Variants in PARD3 observed in about 807,000 individuals in gnomAD.
PARD3 encodes partitioning defective 3 homolog.
Under a neutral mutation model 155.4 loss-of-function variants are expected in PARD3, and 75 were observed. The observed-to-expected ratio is 0.48, with a 90% CI of 0.40 to 0.58. The LOEUF (loss-of-function observed/expected upper bound fraction) is 0.58. PARD3 is among the 20% of genes least tolerant of loss of function. The pLI is 0.00. For synonymous variants in PARD3, 576 were observed against 610.5 expected (o/e 0.94, Z 0.83); for missense variants, 1,642 against 1,721.7 (o/e 0.95, Z 0.82).
At chr10:34,511,926 T>C (rs1408476116) in intron 3 of PARD3, among the ~76,000 whole-genome samples, 1 of 152,202 alleles carries the variant, frequency 6.6e-6, no homozygotes, top group Non-Finnish European at 1.5e-5. Flanking sequence ...AGGTCCTTTA[T>C]AAATTACCAG....
intron 2 of PARD3, among the ~76,000 whole-genome samples, chr10:34,692,232 CA>C (rs112974802): frequency 0.88 from 116,374 of 132,686 alleles, 51,604 homozygotes; most frequent in East Asian, 0.98. Context: ...GACTTCATTT[CA>C]AAAAAAAAAA....
Position 34,232,114 on chromosome 10 carries a change from G to A in PARD3, c.3419+37543C>T, listed in dbSNP as rs142464391. ...CTTTCCCAATCCTGGTTTGAGAGCA[G>A]AGTCAGAGGTTAATGCTGCTGAGAT... On this transcript the variant is annotated intron_variant, in intron 22 of 24. Coordinates refer to ENST00000374788, the MANE Select transcript of PARD3 (RefSeq NM_001184785.2). Among the ~76,000 whole-genome samples, 8 of 152,238 alleles carry A rather than the reference G, an allele frequency of 5.3e-5. 1 individual carries two copies. Among genetic ancestry groups the A allele is most frequent in the African/African-American group, 1.7e-4 (7 of 41,494 alleles).
At chr10:34,140,360 C>T (rs1210674045) in intron 22 of PARD3, among the ~76,000 whole-genome samples, 6 of 152,184 alleles carry the variant, frequency 3.9e-5, no homozygotes, top group Non-Finnish European at 8.8e-5. Flanking sequence ...GATGTCACCC[C>T]CTGTGAAAGC....
At chr10:34,800,348 C>A (rs1842734954) in intron 1 of PARD3, among the ~76,000 whole-genome samples, 1 of 151,950 alleles carries the variant, frequency 6.6e-6, no homozygotes, top group East Asian at 1.9e-4. Context: ...GTGGCTCAGG[C>A]CTGTAAATCC....
At chr10:34,347,150 G>T (rs1837514915) in intron 15 of PARD3, among the ~76,000 whole-genome samples, 1 of 152,220 alleles carries the variant, frequency 6.6e-6, no homozygotes, top group Admixed American at 6.5e-5. Context: ...TGAGAGCCTT[G>T]CAAAATATAC....
chr10:34,467,513 T>G (rs919600606), intron 4 of PARD3, among the ~76,000 whole-genome samples: 9 of 152,030 alleles, frequency 5.9e-5, no homozygotes, highest in Non-Finnish European at 8.8e-5. Context: ...TTTGGGACGC[T>G]GAGATGGGAG....
intron 2 of PARD3, among the ~76,000 whole-genome samples, chr10:34,609,595 T>C (rs896792070): frequency 1.8e-4 from 27 of 152,174 alleles, no homozygotes; most frequent in Non-Finnish European, 5.9e-5. Flanking sequence ...CAGACTGGAG[T>C]GCAGGGGCAC....
chr10:34,516,865 A>G, intron 3 of PARD3, 114 bp downstream of exon 3: 1 of 1,060,430 alleles, frequency 9.4e-7, no homozygotes, highest in Non-Finnish European at 1.4e-6. Flanking sequence ...CCTAAACTTA[A>G]TTTTTGAATA....
intron 20 of PARD3, among the ~76,000 whole-genome samples, chr10:34,301,727 T>A (rs1281248774): frequency 6.6e-6 from 1 of 152,052 alleles, no homozygotes; most frequent in Non-Finnish European, 1.5e-5. Flanking sequence ...AATAGGATCC[T>A]CTTCCAGTAT....
chr10:34,483,482 C>CAAAA (rs35352038), intron 3 of PARD3, among the ~76,000 whole-genome samples: 2 of 50,420 alleles, frequency 4.0e-5, no homozygotes, highest in African/African-American at 1.3e-4. Context: ...ACTCTGTCAC[C>CAAAA]AAAAAAAAAA....
intron 2 of PARD3, among the ~76,000 whole-genome samples, chr10:34,537,129 A>G (rs906956357): frequency 1.3e-5 from 2 of 152,168 alleles, no homozygotes; most frequent in Non-Finnish European, 2.9e-5. Context: ...CAGCCTCCAG[A>G]GTAGCTTTGA....
intron 24 of PARD3, among the ~76,000 whole-genome samples, chr10:34,118,464 C>A (rs1946803295): frequency 6.6e-6 from 1 of 152,228 alleles, no homozygotes; most frequent in African/African-American, 2.4e-5. Context: ...CCCATCTCAG[C>A]CTCCCATGGA....
intron 19 of PARD3, among the ~76,000 whole-genome samples, chr10:34,327,781 G>A (rs1330662200): frequency 1.3e-5 from 2 of 152,142 alleles, no homozygotes; most frequent in Non-Finnish European, 2.9e-5. Context: ...CAGGTTCAAG[G>A]GGGATGTGGC....
intron 20 of PARD3, chr10:34,312,149 T>G (rs1332140049): frequency 1.1e-6 from 1 of 885,510 alleles, no homozygotes; most frequent in East Asian, 2.7e-5. Context: ...AAGCGTAATT[T>G]AAACCCCAAG....
At chr10:34,185,982 G>C (rs1260882307) in intron 22 of PARD3, among the ~76,000 whole-genome samples, 2 of 151,980 alleles carry the variant, frequency 1.3e-5, no homozygotes, top group Non-Finnish European at 2.9e-5. Context: ...CTTACAGAGA[G>C]GAAACCTTTG....
intron 24 of PARD3, among the ~76,000 whole-genome samples, chr10:34,117,338 A>C (rs1328163658): frequency 6.6e-6 from 1 of 152,100 alleles, no homozygotes; most frequent in Admixed American, 6.6e-5. Context: ...GCCCTGGCCC[A>C]CCCGTGTGGT....
At chr10:34,526,915 C>T (rs939236179) in intron 2 of PARD3, among the ~76,000 whole-genome samples, 2 of 152,174 alleles carry the variant, frequency 1.3e-5, no homozygotes, top group African/African-American at 2.4e-5. Flanking sequence ...GCTTCCTTAA[C>T]GCATCACTCA....
intron 22 of PARD3, among the ~76,000 whole-genome samples, chr10:34,228,030 T>G (rs570568246): frequency 1.3e-5 from 2 of 150,458 alleles, no homozygotes; most frequent in Admixed American, 1.3e-4. Flanking sequence ...CCACCAATGG[T>G]GGACTGAATA....
At chr10:34,695,095 C>T (rs1156242628) in intron 2 of PARD3, among the ~76,000 whole-genome samples, 1 of 152,114 alleles carries the variant, frequency 6.6e-6, no homozygotes, top group Admixed American at 6.5e-5. Context: ...AGACAGTCGA[C>T]CAGGCCGCTG....
Sources: allele counts gnomAD v4.1 joint callset (sites outside exome capture counted in the v4.1 genomes callset), GRCh38; gene constraint gnomAD v4.1.1; transcripts MANE v1.5; gene names NCBI Gene and HGNC (gene_info 2026-07-23, HGNC 2026-07-21).